RTKN: variants seen among roughly 807,000 people sequenced by gnomAD.
RTKN encodes rhotekin.
Under a neutral mutation model 63.5 loss-of-function variants are expected in RTKN, and 49 were observed. That is an observed-to-expected ratio of 0.77 (90% CI 0.61 to 0.98). The LOEUF is 0.98. Ranked by LOEUF, RTKN falls within the 50% of genes least tolerant of loss-of-function variation. The probability of loss-of-function intolerance (pLI) is 0.00; values close to 1 mark genes in which losing one functional copy is unlikely to be tolerated. For synonymous variants in RTKN, 295 were observed against 290.4 expected (o/e 1.02, Z -0.16); for missense variants, 685 against 740.8 (o/e 0.92, Z 0.87).
In RTKN at chr2:74,428,617, C is replaced by T; in HGVS notation, c.957+14G>A. The T allele has an allele frequency of 6.2e-7, 1 of 1,607,488 alleles. No individual in the cohort carries two copies. On this transcript the variant is annotated intron_variant, in intron 8 of 11. Transcript: ENST00000272430. Reference sequence around the variant, plus strand: ...CTTCTCCCTGCTCCCTTCCACTCCTCAGGGCCCCCTCACCTGCACCCTGAG... The same window carrying T: ...CTTCTCCCTGCTCCCTTCCACTCCTTAGGGCCCCCTCACCTGCACCCTGAG...
At chr2:74,434,474 T>G (rs1456511680) in intron 1 of RTKN, among the ~76,000 whole-genome samples, 1 of 152,152 alleles carries the variant, frequency 6.6e-6, no homozygotes, top group African/African-American at 2.4e-5. Flanking sequence ...GAGACGGGGT[T>G]GCACCATGTT....
chr2:74,427,733 G>T, intron 9 of RTKN, 141 bp from the exon 10 acceptor site: 1 of 857,014 alleles, frequency 1.2e-6, no homozygotes, highest in Non-Finnish European at 1.8e-6. Context: ...GACCAGAGTA[G>T]GAAGGAATGG....
At chr2:74,429,021 C>CTCAG in intron 6 of RTKN, 79 bp from the exon 7 acceptor site, 1 of 1,155,148 alleles carries the variant, frequency 8.7e-7, no homozygotes, top group Non-Finnish European at 1.3e-6. Context: ...AGCAGATCTG[C>CTCAG]CCCATTGTTC....
At chr2:74,435,842 C>T (rs1320117723) in intron 1 of RTKN, among the ~76,000 whole-genome samples, 2 of 152,250 alleles carry the variant, frequency 1.3e-5, no homozygotes, top group African/African-American at 2.4e-5. Flanking sequence ...ATTCCCTCTT[C>T]TAAAAAGCCT....
Position 74,426,386 on chromosome 2 carries a change from G to A in RTKN, c.1549C>T (p.Arg517Ter), listed in dbSNP as rs78574572. 9 of 1,611,420 alleles carry A rather than the reference G, an allele frequency of 5.6e-6. No homozygotes were observed. The highest frequency in any genetic ancestry group is 1.7e-5 in the Admixed American group (1 of 59,832). Residue 517 changes from arginine (R) to a stop codon, truncating the protein, a stop_gained, in exon 12 of 12, where the codon CGA becomes TGA. Transcript: ENST00000272430. LOFTEE classifies it high-confidence loss of function. ...WTHPLPWGRPRTFSLDAVPPD... is the reference protein window; with the variant it reads ...WTHPLPWGRP ...GGGACAGCATCCAGGGAAAAGGTTC[G>A]GGGTCTCCCCCAGGGCAGGGGGTGG...
Position 74,430,008 on chromosome 2 carries a change from C to CTGTATGTATGAACTGTAT in RTKN, c.574_575insATACAGTTCATACATACA (p.Leu191_Arg192insHisThrValHisThrTyr), listed in dbSNP as rs1670650928. On this transcript the variant is annotated inframe_insertion, in exon 6 of 12. Coordinates refer to ENST00000272430, the MANE Select transcript of RTKN (RefSeq NM_001015055.2). ...CACACAGGCCCCATACAGCTCTAAC[C>CTGTATGTATGAACTGTAT]GCAGTTCAAAGTCTGGCCCCGCCTC... 2 of 1,614,248 alleles carry CTGTATGTATGAACTGTAT rather than the reference C, an allele frequency of 1.2e-6. No individual in the cohort carries two copies. Among genetic ancestry groups the CTGTATGTATGAACTGTAT allele is most frequent in the East Asian group, 4.5e-5 (2 of 44,882 alleles).
intron 1 of RTKN, among the ~76,000 whole-genome samples, chr2:74,434,956 T>A (rs1670974017): frequency 6.6e-6 from 1 of 152,166 alleles, no homozygotes; most frequent in Non-Finnish European, 1.5e-5. Flanking sequence ...GAGTTATCCC[T>A]CAGACTCAAG....
rs775553514 is a variant in RTKN at position 74,427,581 on chromosome 2, G to C, written c.1098C>G (p.Val366=). The C allele has an allele frequency of 4.5e-5, 73 of 1,612,094 alleles. No individual in the cohort carries two copies. Among genetic ancestry groups the C allele is most frequent in the Admixed American group, 2.7e-4 (16 of 59,806 alleles). Residue 366 remains valine, a synonymous_variant, in exon 10 of 12, where the codon GTC becomes GTG. Transcript: ENST00000272430. ...GAGCCTGGTCCAGCTCCCCTGCCCG[G>C]ACTCGAGTCTCCTGCAGGAGAAAGA... The part of the protein sequence containing the change: ...LTIAVNKETR[V]RAGELDQALG...
chr2:74,426,727 C>T, intron 11 of RTKN, 153 bp from the exon 12 acceptor site: 2 of 1,381,376 alleles, frequency 1.4e-6, no homozygotes, highest in Non-Finnish European at 1.9e-6. Flanking sequence ...AGCCCCTCAC[C>T]TGGGCCCCCT....
At chr2:74,437,017 C>T (rs1671103463) in intron 1 of RTKN, among the ~76,000 whole-genome samples, 1 of 152,168 alleles carries the variant, frequency 6.6e-6, no homozygotes, top group Non-Finnish European at 1.5e-5. Flanking sequence ...CATTAGGCCC[C>T]CTGTTGATAT....
intron 11 of RTKN, 62 bp downstream of exon 11, chr2:74,427,107 C>T (rs564002053): frequency 5.1e-5 from 79 of 1,560,434 alleles, no homozygotes; most frequent in Non-Finnish European, 6.7e-5. Context: ...TATCTGGTTT[C>T]TCTTGAAGTC....
At chr2:74,439,606 T>G (rs369783590) in intron 1 of RTKN, 5 of 1,614,094 alleles carry the variant, frequency 3.1e-6, no homozygotes, top group Non-Finnish European at 4.2e-6. Context: ...CTCCAGGATG[T>G]GCAATCTGTC....
rs1044069538 is a variant in RTKN at position 74,436,978 on chromosome 2, G to A, written c.112-4312C>T. Among the ~76,000 whole-genome samples, 2 of 152,168 alleles carry A rather than the reference G, an allele frequency of 1.3e-5. No homozygotes were observed. Among genetic ancestry groups the A allele is most frequent in the African/African-American group, 2.4e-5 (1 of 41,428 alleles). ...CTGGACCCGGGTCAGATCCCAAGGG[G>A]CTAGAGGATGAGTCATGGGCCCCAC... On this transcript the variant is annotated intron_variant, in intron 1 of 11. Coordinates refer to ENST00000272430, the MANE Select transcript of RTKN (RefSeq NM_001015055.2). The surrounding 1 kb of genome is among the most constrained non-coding windows in gnomAD (Gnocchi z 4.3).
In RTKN at chr2:74,436,223, CGCGCAGA is replaced by C. The variant is rs1408269699; in HGVS notation, c.112-3564_112-3558del. 6.6e-6 allele frequency among the ~76,000 whole-genome samples: 1 copy of C among 152,222 alleles called. No homozygotes were observed. Among genetic ancestry groups the C allele is most frequent in the Non-Finnish European group, 1.5e-5 (1 of 68,026 alleles). On this transcript the variant is annotated intron_variant, in intron 1 of 11. Coordinates refer to ENST00000272430, the MANE Select transcript of RTKN (RefSeq NM_001015055.2). This position sits in a 1 kb window ranked among gnomAD's most constrained non-coding sequence, Gnocchi z 4.3. ...CCCCAGCCCGCTCCATTGCGAGAGG[CGCGCAGA>C]GGCGCGCGAGGTCCAGAGAGCTGCA...
chr2:74,440,174 G>T, intron 1 of RTKN: 1 of 402,700 alleles, frequency 2.5e-6, no homozygotes, highest in Non-Finnish European at 3.4e-6. Flanking sequence ...CTTCCCGAGA[G>T]GGGTTCCAGC....
At chr2:74,427,668 CT>C in intron 9 of RTKN, 76 bp from the exon 10 acceptor site, 1 of 1,472,842 alleles carries the variant, frequency 6.8e-7, no homozygotes, top group Non-Finnish European at 9.3e-7. Context: ...TCACGCCTGC[CT>C]TAGAAGAATG....
chr2:74,432,218 C>T (rs1670787720), intron 2 of RTKN: 3 of 662,810 alleles, frequency 4.5e-6, no homozygotes, highest in African/African-American at 1.8e-5. Flanking sequence ...GCATTACTTG[C>T]TACCCTTCAG....
At chr2:74,438,922 C>T (rs1190572115) in intron 1 of RTKN, among the ~76,000 whole-genome samples, 1 of 152,178 alleles carries the variant, frequency 6.6e-6, no homozygotes, top group African/African-American at 2.4e-5. Context: ...ACTTTCTTGT[C>T]TTATTCACTG....
intron 1 of RTKN, among the ~76,000 whole-genome samples, chr2:74,433,887 A>G (rs1397987593): frequency 2.0e-5 from 3 of 152,198 alleles, no homozygotes; most frequent in Non-Finnish European, 2.9e-5. Context: ...GTAGTATTGC[A>G]GACATTAAGG....
Sources: gnomAD v4.1 joint callset for allele counts (sites outside exome capture counted in the v4.1 genomes callset) on GRCh38, gnomAD v4.1.1 for gene constraint, Gnocchi (gnomAD v3.1) non-coding constraint, MANE v1.5 for transcripts, NCBI Gene and HGNC (gene_info 2026-07-23, HGNC 2026-07-21) for gene names.